Variants in ROBO2 observed in about 807,000 individuals in gnomAD.
ROBO2 encodes roundabout guidance receptor 2.
In ROBO2, 53 loss-of-function variants were observed where a neutral mutation model predicts 160.8. The observed-to-expected ratio is 0.33, with a 90% CI of 0.26 to 0.41. The LOEUF (loss-of-function observed/expected upper bound fraction) is 0.41. Ranked by LOEUF, ROBO2 falls within the 10% of genes least tolerant of loss-of-function variation. The pLI is 1.00. For synonymous variants in ROBO2, 664 were observed against 611.7 expected, an observed-to-expected ratio of 1.09 and a Z score of -1.26; for missense variants, 1,577 against 1,722.4, an observed-to-expected ratio of 0.92 and a Z score of 1.49.
intron 2 of ROBO2, among the ~76,000 whole-genome samples, chr3:77,434,310 G>C (rs952392430): frequency 6.6e-6 from 1 of 151,918 alleles, no homozygotes; most frequent in East Asian, 1.9e-4. Context: ...GACTAGGTGA[G>C]GACCCCCAAA....
intron 2 of ROBO2, among the ~76,000 whole-genome samples, chr3:76,060,108 G>GT (rs11347851): frequency 1.5e-4 from 22 of 144,168 alleles, no homozygotes; most frequent in East Asian, 1.4e-3. Flanking sequence ...GCTAGAAAAT[G>GT]TTTTTTTTTT....
At position 76,693,494 on chromosome 3, in the gene ROBO2, C is replaced by CT. The variant is rs1306863683; in HGVS notation, c.110-404520_110-404519insT. 1.9e-4 allele frequency among the ~76,000 whole-genome samples: 6 copies of CT among 31,044 alleles called. No individual in the cohort carries two copies. In the African/African-American group the frequency reaches 2.0e-3, roughly 10 times the overall value. 20.4% of individuals were successfully genotyped at this position (31,044 alleles called of 152,430 possible). ...TGTATTGTGTGTGTGTGTATATATA[C>CT]ATATATAGATGAAATTCTTTGTGGA... On this transcript the variant is annotated intron_variant, in intron 2 of 26. Transcript: ENST00000487694.
intron 2 of ROBO2, among the ~76,000 whole-genome samples, chr3:77,126,832 A>G (rs2075372195): frequency 8.4e-6 from 1 of 119,562 alleles, no homozygotes; most frequent in African/African-American, 3.3e-5. Flanking sequence ...TCTGTCTCCC[A>G]GGCTGGAGTG....
chr3:76,300,472 G>C (rs962020715), intron 2 of ROBO2, among the ~76,000 whole-genome samples: 2 of 152,010 alleles, frequency 1.3e-5, no homozygotes, highest in Non-Finnish European at 2.9e-5. Context: ...GGAATAGTAA[G>C]TAGTTAGGAA....
chr3:75,993,845 C>A (rs1385200395), intron 2 of ROBO2, among the ~76,000 whole-genome samples: 1 of 152,182 alleles, frequency 6.6e-6, no homozygotes, highest in Non-Finnish European at 1.5e-5. Context: ...CAGCTATTCT[C>A]TTTCTCATAT....
intron 2 of ROBO2, among the ~76,000 whole-genome samples, chr3:76,946,372 G>A (rs1482095634): frequency 6.6e-6 from 1 of 152,012 alleles, no homozygotes; most frequent in Non-Finnish European, 1.5e-5. Context: ...ACTTGAAAAG[G>A]ACCCTGTGTA....
chr3:77,410,487 CT>C (rs1386190809), intron 2 of ROBO2, among the ~76,000 whole-genome samples: 1 of 148,764 alleles, frequency 6.7e-6, no homozygotes, highest in African/African-American at 2.5e-5. Flanking sequence ...TCTCCCTCTT[CT>C]TTCCTCCTCC....
At chr3:77,056,058 G>A (rs747363842) in intron 1 of ROBO2, among the ~76,000 whole-genome samples, 4 of 152,246 alleles carry the variant, frequency 2.6e-5, no homozygotes, top group South Asian at 2.1e-4. Flanking sequence ...ATTTCCTTCC[G>A]TGGGAAAACA....
At chr3:76,104,927 G>T (rs930157722) in intron 2 of ROBO2, among the ~76,000 whole-genome samples, 3 of 152,092 alleles carry the variant, frequency 2.0e-5, no homozygotes, top group African/African-American at 7.2e-5. Flanking sequence ...TCTTTTTCAA[G>T]GACCAGGTTA....
chr3:76,917,037 T>G (rs1001926586), intron 2 of ROBO2, among the ~76,000 whole-genome samples: 1 of 152,114 alleles, frequency 6.6e-6, no homozygotes, highest in Non-Finnish European at 1.5e-5. Flanking sequence ...AAAGGGGGCC[T>G]TTAAATTTTA....
chr3:76,234,219 T>C (rs1704797501), intron 2 of ROBO2, among the ~76,000 whole-genome samples: 1 of 152,204 alleles, frequency 6.6e-6, no homozygotes, highest in African/African-American at 2.4e-5. Flanking sequence ...CAGTCTGTCA[T>C]TGATGGGCTT....
At chr3:75,991,441 T>C (rs1006343681) in intron 2 of ROBO2, among the ~76,000 whole-genome samples, 5 of 151,902 alleles carry the variant, frequency 3.3e-5, no homozygotes, top group African/African-American at 4.8e-5. Context: ...AAATCATGAG[T>C]TCCCCACACA....
At chr3:76,448,043 T>C (rs997597686) in intron 2 of ROBO2, among the ~76,000 whole-genome samples, 6 of 149,846 alleles carry the variant, frequency 4.0e-5, no homozygotes, top group Admixed American at 1.3e-4. Flanking sequence ...AAAGTATATA[T>C]ATAAAAAAAG....
At chr3:76,565,501 C>T (rs2084461177) in intron 2 of ROBO2, among the ~76,000 whole-genome samples, 1 of 152,182 alleles carries the variant, frequency 6.6e-6, no homozygotes, top group Non-Finnish European at 1.5e-5. Flanking sequence ...GTCTGTCGTA[C>T]CTATCTGCAC....
chr3:76,479,260 T>G (rs1420127117), intron 2 of ROBO2, among the ~76,000 whole-genome samples: 1 of 152,186 alleles, frequency 6.6e-6, no homozygotes, highest in Non-Finnish European at 1.5e-5. Flanking sequence ...TACAAAATGG[T>G]TCATAAAATA....
At chr3:76,766,781 C>T (rs955146576) in intron 2 of ROBO2, among the ~76,000 whole-genome samples, 1 of 151,446 alleles carries the variant, frequency 6.6e-6, no homozygotes, top group African/African-American at 2.4e-5. Flanking sequence ...TAACGATTTA[C>T]CATAAATCAC....
chr3:77,357,599 A>G (rs1166790574), intron 2 of ROBO2, among the ~76,000 whole-genome samples: 4 of 152,182 alleles, frequency 2.6e-5, no homozygotes, highest in African/African-American at 9.7e-5. Flanking sequence ...TAGAAAATGG[A>G]CATAGATTGG....
intron 2 of ROBO2, among the ~76,000 whole-genome samples, chr3:76,312,878 A>G (rs2071698026): frequency 6.6e-6 from 1 of 152,230 alleles, no homozygotes; most frequent in Admixed American, 6.5e-5. Flanking sequence ...AGAAAGGTTT[A>G]TTTAAAATGC....
intron 2 of ROBO2, among the ~76,000 whole-genome samples, chr3:76,521,044 TC>T (rs2081586953): frequency 6.9e-6 from 1 of 144,578 alleles, no homozygotes; most frequent in Non-Finnish European, 1.5e-5. Flanking sequence ...AAAAATTGCT[TC>T]TTTTTTTTTT....
Sources: allele counts gnomAD v4.1 joint callset (sites outside exome capture counted in the v4.1 genomes callset), GRCh38; gene constraint gnomAD v4.1.1; transcripts MANE v1.5; gene names NCBI Gene and HGNC (gene_info 2026-07-23, HGNC 2026-07-21).